SPOCK3: variants seen among roughly 807,000 people sequenced by gnomAD.
SPOCK3 encodes the protein testican-3.
SPOCK3 carries 30 observed loss-of-function variants against 56.6 expected under a neutral mutation model. The observed-to-expected ratio is 0.53, with a 90% CI of 0.40 to 0.72. The LOEUF is 0.72. Among genes scored for constraint, SPOCK3 ranks in the 30% least tolerant of loss-of-function variants. The pLI is 0.00. For missense variants in SPOCK3, 527 were observed against 530.0 expected, an observed-to-expected ratio of 0.99 and a Z score of 0.06; for synonymous variants, 196 against 183.3, an observed-to-expected ratio of 1.07 and a Z score of -0.56.
chr4:167,006,911 T>C (rs1749528411), intron 3 of SPOCK3, among the ~76,000 whole-genome samples: 1 of 152,206 alleles, frequency 6.6e-6, no homozygotes, highest in Non-Finnish European at 1.5e-5. Flanking sequence ...TGCTCTTTCA[T>C]CACAGCATGG....
chr4:167,041,049 A>G (rs17521233), intron 3 of SPOCK3, among the ~76,000 whole-genome samples: 18,629 of 152,206 alleles, frequency 0.12, 1,386 homozygotes, highest in Middle Eastern at 0.21. Context: ...CACCTTGCTC[A>G]TGATTCAGAG....
At position 167,074,131 on chromosome 4, in the gene SPOCK3, T is replaced by C. The variant is rs145204743; in HGVS notation, c.190-11594A>G. 8.1e-4 allele frequency among the ~76,000 whole-genome samples: 123 copies of C among 151,968 alleles called. 1 individual carries two copies. The highest frequency in any genetic ancestry group is 2.7e-3 in the African/African-American group (114 of 41,506). On this transcript the variant is annotated intron_variant, in intron 2 of 10. Transcript: ENST00000357545. ...AATCAGTAAAGGGTTATGTGGAAGA[T>C]AGTAGCTAACAACAGTTCCCCAGGA... is the stretch of plus-strand genomic sequence containing the variant.
At chr4:166,947,205 T>C (rs1157068943) in intron 4 of SPOCK3, among the ~76,000 whole-genome samples, 1 of 152,160 alleles carries the variant, frequency 6.6e-6, no homozygotes, top group African/African-American at 2.4e-5. Context: ...ACATAGAAAT[T>C]ATATTGCAAT....
chr4:166,936,670 A>C (rs1348161249), intron 4 of SPOCK3, among the ~76,000 whole-genome samples: 1 of 152,068 alleles, frequency 6.6e-6, no homozygotes, highest in Non-Finnish European at 1.5e-5. Flanking sequence ...AGGTGAGCTG[A>C]ATTTCTCTAC....
chr4:166,784,534 A>T (rs1227624045), intron 7 of SPOCK3, among the ~76,000 whole-genome samples: 1 of 152,104 alleles, frequency 6.6e-6, no homozygotes, highest in Admixed American at 6.6e-5. Context: ...AATGATATGG[A>T]TCTCTCATTT....
chr4:166,832,958 T>C (rs1445329998), intron 6 of SPOCK3, among the ~76,000 whole-genome samples: 1 of 152,132 alleles, frequency 6.6e-6, no homozygotes, highest in African/African-American at 2.4e-5. Flanking sequence ...GGTACTATAC[T>C]CACTACCTGG....
chr4:166,841,450 A>C (rs1224905057), intron 6 of SPOCK3, among the ~76,000 whole-genome samples: 3 of 152,194 alleles, frequency 2.0e-5, no homozygotes, highest in African/African-American at 7.2e-5. Context: ...TAAGAAAAAA[A>C]GATTATTTTA....
At chr4:166,905,632 G>T (rs944776150) in intron 5 of SPOCK3, among the ~76,000 whole-genome samples, 2 of 151,828 alleles carry the variant, frequency 1.3e-5, no homozygotes, top group African/African-American at 4.8e-5. Context: ...CATTGTAGTG[G>T]AAGTCCTAAC....
At chr4:166,896,418 T>C (rs181669614) in intron 5 of SPOCK3, among the ~76,000 whole-genome samples, 2 of 152,128 alleles carry the variant, frequency 1.3e-5, no homozygotes, top group Admixed American at 6.6e-5. Context: ...CTCTCTTACA[T>C]GTAATCTGAA....
intron 3 of SPOCK3, among the ~76,000 whole-genome samples, chr4:167,048,424 A>G (rs540596073): frequency 2.0e-5 from 3 of 152,258 alleles, no homozygotes; most frequent in East Asian, 3.9e-4. Context: ...GAAACCAGAC[A>G]TGCCCAATAT....
chr4:167,103,971 T>C (rs550715600), intron 2 of SPOCK3, among the ~76,000 whole-genome samples: 34 of 152,244 alleles, frequency 2.2e-4, no homozygotes, highest in Admixed American at 5.2e-4. Context: ...TTTTGGATCT[T>C]ACCCAAGACC....
chr4:166,746,478 T>C (rs199741264), intron 8 of SPOCK3, among the ~76,000 whole-genome samples: 1 of 152,100 alleles, frequency 6.6e-6, no homozygotes, highest in Non-Finnish European at 1.5e-5. Flanking sequence ...GGGACACATT[T>C]AAAGCAGTGT....
chr4:167,233,057 G>A (rs535680094), intron 2 of SPOCK3, among the ~76,000 whole-genome samples: 4 of 152,300 alleles, frequency 2.6e-5, no homozygotes, highest in Non-Finnish European at 4.4e-5. Context: ...CAGGCCTTCC[G>A]CGTTTTAAAG....
At chr4:166,899,235 T>A (rs1289853986) in intron 5 of SPOCK3, among the ~76,000 whole-genome samples, 1 of 147,412 alleles carries the variant, frequency 6.8e-6, no homozygotes, top group Admixed American at 7.0e-5. Context: ...CTATAATAAA[T>A]CTCCTCATAT....
chr4:167,128,347 G>C (rs940968303), intron 2 of SPOCK3, among the ~76,000 whole-genome samples: 6 of 152,078 alleles, frequency 3.9e-5, no homozygotes, highest in African/African-American at 1.4e-4. Flanking sequence ...GGACCTCTCT[G>C]TAACATCTAA....
intron 8 of SPOCK3, among the ~76,000 whole-genome samples, chr4:166,752,678 G>GA (rs1474980608): frequency 6.6e-6 from 1 of 151,152 alleles, no homozygotes; most frequent in Non-Finnish European, 1.5e-5. Context: ...TGGAATATTT[G>GA]AAAAAATCAG....
intron 7 of SPOCK3, among the ~76,000 whole-genome samples, chr4:166,763,524 T>C (rs1050975018): frequency 6.6e-6 from 1 of 152,044 alleles, no homozygotes; most frequent in Non-Finnish European, 1.5e-5. Flanking sequence ...ATAGAAAACT[T>C]TTTTCCTTTC....
At chr4:167,152,324 A>G (rs1436812532) in intron 2 of SPOCK3, among the ~76,000 whole-genome samples, 1 of 152,216 alleles carries the variant, frequency 6.6e-6, no homozygotes, top group African/African-American at 2.4e-5. Context: ...TAATCCACCA[A>G]TAACTACACA....
intron 7 of SPOCK3, among the ~76,000 whole-genome samples, chr4:166,781,293 A>C (rs1740137594): frequency 6.6e-6 from 1 of 152,188 alleles, no homozygotes; most frequent in Admixed American, 6.6e-5. Context: ...ACAATGATTA[A>C]TAAGTTAAAG....
Sources: allele counts gnomAD v4.1 joint callset (sites outside exome capture counted in the v4.1 genomes callset), GRCh38; gene constraint gnomAD v4.1.1; transcripts MANE v1.5; gene names NCBI Gene and HGNC (gene_info 2026-07-23, HGNC 2026-07-21).